Variants in ANXA4 observed in about 807,000 individuals in gnomAD.
ANXA4 encodes the protein annexin A4.
ANXA4 carries 39 observed loss-of-function variants against 49.8 expected under a neutral mutation model. The observed-to-expected ratio is 0.78, with a 90% CI of 0.61 to 1.02. The LOEUF is 1.02. Among genes scored for constraint, ANXA4 ranks in the 50% least tolerant of loss-of-function variants. The probability of loss-of-function intolerance (pLI) is 0.00; values close to 1 mark genes in which losing one functional copy is unlikely to be tolerated. For missense variants in ANXA4, 360 were observed against 410.1 expected, an observed-to-expected ratio of 0.88 and a Z score of 1.05; for synonymous variants, 134 against 152.5, an observed-to-expected ratio of 0.88 and a Z score of 0.89.
intron 3 of ANXA4, among the ~76,000 whole-genome samples, chr2:69,729,059 G>C (rs1352916054): frequency 6.6e-6 from 1 of 152,068 alleles, no homozygotes. Context: ...TGTCGCCCAG[G>C]CTGGAGTGCA....
chr2:69,723,353 T>C lies in ANXA4; in HGVS notation n.864+2482T>C, dbSNP rs145764741. Among the ~76,000 whole-genome samples, 1,368 of 152,216 alleles carry C rather than the reference T, an allele frequency of 9.0e-3. 20 individuals carry two copies. The highest frequency in any genetic ancestry group is 0.031 in the African/African-American group (1,282 of 41,534). ...GCTAAAAGATGCCTCCAAAGTGATA[T>C]GAAGAAACTCCTGAACTCCAGAAGG... On this transcript the variant is annotated intron_variant and non_coding_transcript_variant, in intron 3 of 3. Coordinates refer to the ANXA4 transcript ENST00000418066.
intron 1 of ANXA4, among the ~76,000 whole-genome samples, chr2:69,769,172 T>C (rs967108303): frequency 6.6e-6 from 1 of 152,244 alleles, no homozygotes; most frequent in Non-Finnish European, 1.5e-5. Context: ...CTTTGATTTA[T>C]GCACTATTCG....
At chr2:69,708,759 G>A (rs754214565) in intron 2 of ANXA4, among the ~76,000 whole-genome samples, 7 of 151,824 alleles carry the variant, frequency 4.6e-5, no homozygotes, top group African/African-American at 1.2e-4. Flanking sequence ...TCTTTGCCTC[G>A]ACTGCATCTG....
At chr2:69,673,812 C>G (rs1279150397) in intron 2 of ANXA4, among the ~76,000 whole-genome samples, 1 of 152,112 alleles carries the variant, frequency 6.6e-6, no homozygotes, top group Admixed American at 6.5e-5. Context: ...CTCAGTGGCC[C>G]TAGCCCAGTG....
intron 2 of ANXA4, among the ~76,000 whole-genome samples, chr2:69,698,165 AAGGAAGCTCTT>A (rs1450922302): frequency 2.0e-5 from 3 of 152,200 alleles, no homozygotes; most frequent in Non-Finnish European, 4.4e-5. Flanking sequence ...CTGAAGGAGC[AAGGAAGCTCTT>A]CTGAGTCTCT....
In ANXA4 at chr2:69,698,944, A is replaced by G. The variant is rs79354415; in HGVS notation, n.767-21830A>G. 2.3e-3 allele frequency among the ~76,000 whole-genome samples: 357 copies of G among 152,344 alleles called. 1 individual carries two copies. The highest frequency in any genetic ancestry group is 4.2e-3 in the Non-Finnish European group (283 of 68,034). On this transcript the variant is annotated intron_variant and non_coding_transcript_variant, in intron 2 of 3. Coordinates refer to the ANXA4 transcript ENST00000418066. ...TTGATTGAAAGAATCAAAAGGATAT[A>G]AGAGGATAAGGCAGGAAAAGTGGAA...
In ANXA4 at chr2:69,781,550, A is replaced by T; in HGVS notation, c.-16A>T. 6.2e-7 allele frequency: 1 copy of T among 1,614,004 alleles called. No individual in the cohort carries two copies. Among genetic ancestry groups the T allele is most frequent in the South Asian group, 1.1e-5 (1 of 91,034 alleles). Reference sequence around the variant, plus strand: ...CTTCTGCTTGGGTGGCTGAACTCTGATCTTGACCTAGAGTCATGGCCATGG... The same window carrying T: ...CTTCTGCTTGGGTGGCTGAACTCTGTTCTTGACCTAGAGTCATGGCCATGG... On this transcript the variant is annotated 5_prime_UTR_variant, in exon 2 of 13. Coordinates refer to ENST00000394295, the MANE Select transcript of ANXA4 (RefSeq NM_001153.5).
chr2:69,806,563 A>G, intron 5 of ANXA4, 65 bp downstream of exon 5: 1 of 1,356,350 alleles, frequency 7.4e-7, no homozygotes, highest in African/African-American at 1.4e-5. Context: ...TTTCTTAAGA[A>G]ACTGTCACCC....
intron 2 of ANXA4, among the ~76,000 whole-genome samples, chr2:69,710,265 G>A (rs147185851): frequency 0.01 from 1,528 of 151,876 alleles, 30 homozygotes; most frequent in African/African-American, 0.035. Context: ...GATTACAGGT[G>A]TGAGCCACCA....
chr2:69,720,322 G>A (rs1669783905), intron 2 of ANXA4, among the ~76,000 whole-genome samples: 1 of 152,188 alleles, frequency 6.6e-6, no homozygotes, highest in African/African-American at 2.4e-5. Flanking sequence ...CTCCATCAGT[G>A]CCTTGGTGAC....
At chr2:69,816,024 T>G in intron 8 of ANXA4, 77 bp from the exon 9 acceptor site, 269 of 1,174,484 alleles carry the variant, frequency 2.3e-4, no homozygotes, top group Non-Finnish European at 3.1e-4. Flanking sequence ...CTCAGCTCTT[T>G]GAGCTTCTGG....
chr2:69,676,768 CT>C (rs1385069070), intron 2 of ANXA4, among the ~76,000 whole-genome samples: 1 of 152,112 alleles, frequency 6.6e-6, no homozygotes, highest in African/African-American at 2.4e-5. Context: ...TGGCGCATGC[CT>C]GTAGTCCCAG....
chr2:69,759,500 T>C (rs1671188763), intron 1 of ANXA4, among the ~76,000 whole-genome samples: 1 of 152,232 alleles, frequency 6.6e-6, no homozygotes, highest in South Asian at 2.1e-4. Context: ...AGTTAATCAT[T>C]TGTATTTGTA....
chr2:69,686,010 G>C (rs371171550), intron 2 of ANXA4, among the ~76,000 whole-genome samples: 10 of 152,254 alleles, frequency 6.6e-5, no homozygotes, highest in African/African-American at 2.4e-4. Flanking sequence ...AGATGCAGTA[G>C]ATGTGATTAA....
At chr2:69,660,317 C>T (rs1368173529) in intron 2 of ANXA4, among the ~76,000 whole-genome samples, 2 of 152,096 alleles carry the variant, frequency 1.3e-5, no homozygotes, top group Non-Finnish European at 2.9e-5. Context: ...GAGGCACTTA[C>T]AGGAGCAAAC....
At chr2:69,790,093 G>C (rs887353751) in intron 3 of ANXA4, among the ~76,000 whole-genome samples, 1 of 152,138 alleles carries the variant, frequency 6.6e-6, no homozygotes, top group Non-Finnish European at 1.5e-5. Context: ...TGTTAGAAGA[G>C]AAGTGCTTTT....
intron 1 of ANXA4, among the ~76,000 whole-genome samples, chr2:69,750,625 G>A (rs1296517268): frequency 6.6e-6 from 1 of 152,152 alleles, no homozygotes; most frequent in East Asian, 1.9e-4. Flanking sequence ...CGTTTCCCAG[G>A]CTGGTTTCAA....
intron 2 of ANXA4, among the ~76,000 whole-genome samples, chr2:69,664,289 A>T (rs1447310866): frequency 6.6e-6 from 1 of 152,368 alleles, no homozygotes; most frequent in South Asian, 2.1e-4. Flanking sequence ...AAGCTTTCAG[A>T]AGGTGAAAGC....
At chr2:69,768,606 A>G (rs1012326653) in intron 1 of ANXA4, among the ~76,000 whole-genome samples, 1 of 152,230 alleles carries the variant, frequency 6.6e-6, no homozygotes, top group African/African-American at 2.4e-5. Flanking sequence ...GGTACCTGAC[A>G]TGGGGCAGGC....
Sources: allele counts gnomAD v4.1 joint callset (sites outside exome capture counted in the v4.1 genomes callset), GRCh38; gene constraint gnomAD v4.1.1; transcripts MANE v1.5; gene names NCBI Gene and HGNC (gene_info 2026-07-23, HGNC 2026-07-21).